Variants in SGCD observed in about 807,000 individuals in gnomAD.
SGCD encodes the protein sarcoglycan delta, also known as delta-sarcoglycan.
SGCD carries 18 observed loss-of-function variants against 36.6 expected under a neutral mutation model. The observed-to-expected ratio is 0.49, with a 90% confidence interval of 0.34 to 0.73. The LOEUF is 0.73. SGCD is among the 30% of genes least tolerant of loss of function. The probability of loss-of-function intolerance (pLI) is 0.01; values close to 1 mark genes in which losing one functional copy is unlikely to be tolerated. For missense variants in SGCD, 387 were observed against 346.7 expected, an observed-to-expected ratio of 1.12 and a Z score of -0.92; for synonymous variants, 133 against 130.6, an observed-to-expected ratio of 1.02 and a Z score of -0.12.
intron 1 of SGCD, among the ~76,000 whole-genome samples, chr5:155,952,935 G>A (rs770308615): frequency 1.3e-5 from 2 of 152,158 alleles, no homozygotes; most frequent in Non-Finnish European, 2.9e-5. Context: ...CTTTTGAACT[G>A]CATCATGTTA....
intron 1 of SGCD, among the ~76,000 whole-genome samples, chr5:156,021,590 T>C (rs1342643107): frequency 6.6e-6 from 1 of 152,142 alleles, no homozygotes; most frequent in Non-Finnish European, 1.5e-5. Context: ...TCTGCAAGGA[T>C]GATACTGGAG....
chr5:155,771,837 C>A, the SGCD span, among the ~76,000 whole-genome samples: 1 of 152,126 alleles, frequency 6.6e-6, no homozygotes, highest in African/African-American at 2.4e-5. Flanking sequence ...TGGCCATGAG[C>A]CACCAAGCTC....
intron 1 of SGCD, among the ~76,000 whole-genome samples, chr5:155,958,660 G>C (rs574775715): frequency 6.6e-6 from 1 of 152,144 alleles, no homozygotes; most frequent in Non-Finnish European, 1.5e-5. Flanking sequence ...CTTGGGGTCA[G>C]AACAGTATTT....
intron 6 of SGCD, among the ~76,000 whole-genome samples, chr5:156,605,253 A>G (rs1761383621): frequency 6.6e-6 from 1 of 151,034 alleles, no homozygotes; most frequent in Non-Finnish European, 1.5e-5. Context: ...TCCTGTGTCC[A>G]TGTGTTCTCA....
intron 3 of SGCD, among the ~76,000 whole-genome samples, chr5:156,463,782 C>G (rs1754601305): frequency 6.6e-6 from 1 of 152,016 alleles, no homozygotes; most frequent in Non-Finnish European, 1.5e-5. Flanking sequence ...ATTGCTTTAG[C>G]TCAGGAGTTC....
chr5:156,109,234 C>T (rs1004297088), intron 1 of SGCD, among the ~76,000 whole-genome samples: 1 of 152,150 alleles, frequency 6.6e-6, no homozygotes, highest in Non-Finnish European at 1.5e-5. Context: ...TAACATTTCT[C>T]TTCTACTGGA....
chr5:156,681,607 T>G (rs549983167), intron 7 of SGCD, among the ~76,000 whole-genome samples: 3 of 152,230 alleles, frequency 2.0e-5, no homozygotes, highest in East Asian at 1.9e-4. Flanking sequence ...ATGATGAAAA[T>G]GTCAACAGGG....
At chr5:155,809,715 A>T in the SGCD span, among the ~76,000 whole-genome samples, 5 of 152,232 alleles carry the variant, frequency 3.3e-5, no homozygotes, top group Non-Finnish European at 7.4e-5. Flanking sequence ...GATGAGCATC[A>T]TGTGGAGAAT....
At chr5:156,009,296 G>T (rs1415317118) in intron 1 of SGCD, among the ~76,000 whole-genome samples, 4 of 152,142 alleles carry the variant, frequency 2.6e-5, no homozygotes, top group Admixed American at 2.6e-4. Flanking sequence ...TTTACAAATT[G>T]TACTTACTTG....
At chr5:156,071,442 T>C (rs1390960153) in intron 1 of SGCD, among the ~76,000 whole-genome samples, 2 of 152,234 alleles carry the variant, frequency 1.3e-5, no homozygotes, top group East Asian at 3.8e-4. Flanking sequence ...TGAGCGGTTT[T>C]GAGTGAGTTT....
chr5:156,669,438 A>G (rs1414695365), intron 7 of SGCD, among the ~76,000 whole-genome samples: 5 of 152,256 alleles, frequency 3.3e-5, no homozygotes, highest in African/African-American at 7.2e-5. Flanking sequence ...TATCTTAAAG[A>G]ATAAATGTAA....
chr5:155,946,637 C>A (rs953817715), intron 1 of SGCD, among the ~76,000 whole-genome samples: 1 of 152,150 alleles, frequency 6.6e-6, no homozygotes, highest in East Asian at 1.9e-4. Context: ...AGTTTTCATG[C>A]CAAAAACAAC....
chr5:156,248,192 C>G (rs561635551), intron 3 of SGCD, among the ~76,000 whole-genome samples: 2 of 152,140 alleles, frequency 1.3e-5, no homozygotes, highest in Admixed American at 1.3e-4. Flanking sequence ...GTAGAGGGAA[C>G]AGAAACTGCT....
At chr5:156,048,760 C>G (rs906638411) in intron 1 of SGCD, among the ~76,000 whole-genome samples, 14 of 152,046 alleles carry the variant, frequency 9.2e-5, no homozygotes, top group Non-Finnish European at 2.1e-4. Flanking sequence ...AAATTTTTCT[C>G]CCATTCTGTA....
At chr5:156,017,631 G>T (rs933336984) in intron 1 of SGCD, among the ~76,000 whole-genome samples, 1 of 151,884 alleles carries the variant, frequency 6.6e-6, no homozygotes, top group Non-Finnish European at 1.5e-5. Context: ...GAAATTCAAT[G>T]ATTTTATGTA....
chr5:156,100,925 C>T (rs781773275), intron 1 of SGCD, among the ~76,000 whole-genome samples: 14 of 152,136 alleles, frequency 9.2e-5, no homozygotes, highest in African/African-American at 3.1e-4. Context: ...GTTTATTTGT[C>T]AAAGCCTAAA....
chr5:156,164,322 A>G (rs1354090703), intron 3 of SGCD, among the ~76,000 whole-genome samples: 1 of 147,986 alleles, frequency 6.8e-6, no homozygotes, highest in African/African-American at 2.7e-5. Context: ...AATTCTATCA[A>G]TTGATGGACT....
intron 1 of SGCD, among the ~76,000 whole-genome samples, chr5:156,000,003 G>T (rs1758631806): frequency 6.6e-6 from 1 of 152,174 alleles, no homozygotes; most frequent in Admixed American, 6.5e-5. Context: ...GATTTGAAAG[G>T]CCAGGTCTAA....
intron 6 of SGCD, among the ~76,000 whole-genome samples, chr5:156,626,240 C>A (rs1217460405): frequency 6.6e-6 from 1 of 152,220 alleles, no homozygotes; most frequent in Admixed American, 6.5e-5. Context: ...CTTTGTGTCC[C>A]TGGTTTTGTG....
Sources: allele counts gnomAD v4.1 joint callset (sites outside exome capture counted in the v4.1 genomes callset), GRCh38; gene constraint gnomAD v4.1.1; transcripts MANE v1.5; gene names NCBI Gene and HGNC (gene_info 2026-07-23, HGNC 2026-07-21).